PDE1B: variants seen among roughly 807,000 people sequenced by gnomAD.
The protein encoded by PDE1B is phosphodiesterase 1B.
PDE1B carries 13 observed loss-of-function variants against 66.7 expected under a neutral mutation model. The observed-to-expected ratio is 0.19, with a 90% confidence interval of 0.13 to 0.31. The LOEUF is 0.31. PDE1B is among the 10% of genes least tolerant of loss of function. The pLI, the probability that PDE1B is intolerant of heterozygous loss-of-function variation, is 1.00. For missense variants in PDE1B, 485 were observed against 682.3 expected (o/e 0.71, Z 3.22); for synonymous variants, 230 against 253.9 (o/e 0.91, Z 0.90).
In PDE1B at chr12:54,575,699, T is replaced by G; in HGVS notation, c.1267+67T>G. The G allele has an allele frequency of 1.8e-6, 2 of 1,139,676 alleles. No homozygotes were observed. The highest frequency in any genetic ancestry group is 2.4e-5 in the South Asian group (2 of 81,952). The allele number at this position is 1,139,676 out of a possible 1,614,324, so 70.6% of individuals were successfully genotyped here. ...GAAAAGATGCTGCCTGGGTCAGGAT[T>G]GCTCCAAGTCCTCAATCCCCCCAAA... On this transcript the variant is annotated intron_variant, in intron 12 of 15. Coordinates refer to ENST00000243052, the MANE Select transcript of PDE1B (RefSeq NM_000924.4). This position sits in a 1 kb window ranked among gnomAD's most constrained non-coding sequence, Gnocchi z 4.0.
Position 54,549,976 on chromosome 12 carries a change from T to C in PDE1B, c.104T>C (p.Leu35Pro). 1.9e-6 allele frequency: 3 copies of C among 1,613,850 alleles called. No homozygotes were observed. In the South Asian group the frequency reaches 3.3e-5, roughly 18 times the overall value. The change falls in exon 2 of 16, where the codon CTT (leucine) becomes CCT (proline). Residue 35 changes from leucine (L) to proline (P), a missense_variant. This residue lies in a region of PDE1B where 74 missense variants were observed against 78.7 expected (regional missense o/e 0.94). Coordinates refer to ENST00000243052, the MANE Select transcript of PDE1B (RefSeq NM_000924.4). The part of the protein sequence containing the change: ...SAPSKKMWIK[L>P]RSLLRYMVKQ... ...CCCAGCAAGAAGATGTGGATTAAGC[T>C]TCGGTCTCTGTAAGTCCCCGGCCCG...
At chr12:54,558,297 C>T (rs969208157) in intron 2 of PDE1B, among the ~76,000 whole-genome samples, 3 of 152,046 alleles carry the variant, frequency 2.0e-5, no homozygotes, top group African/African-American at 4.8e-5. Flanking sequence ...GTCCTTCCCC[C>T]ACTATCTTCC....
intron 2 of PDE1B, among the ~76,000 whole-genome samples, chr12:54,555,929 G>A (rs886070609): frequency 6.6e-6 from 1 of 151,998 alleles, no homozygotes; most frequent in Non-Finnish European, 1.5e-5. Context: ...GAAAATCCCC[G>A]TGGCTCCCTC....
chr12:54,554,652 G>C (rs1489946366), intron 2 of PDE1B, among the ~76,000 whole-genome samples: 1 of 152,162 alleles, frequency 6.6e-6, no homozygotes, highest in Non-Finnish European at 1.5e-5. Flanking sequence ...CAAACCTCTG[G>C]TCAGGATAGG....
chr12:54,576,473 C>A, intron 13 of PDE1B, 98 bp from the exon 14 acceptor site: 1 of 1,448,534 alleles, frequency 6.9e-7, no homozygotes, highest in South Asian at 1.2e-5. Flanking sequence ...TTCCCTGAAC[C>A]TTCTCCTGGT....
chr12:54,562,117 T>C (rs1957428050), intron 2 of PDE1B, among the ~76,000 whole-genome samples: 1 of 152,214 alleles, frequency 6.6e-6, no homozygotes, highest in South Asian at 2.1e-4. Flanking sequence ...AGTCCTTCTC[T>C]GGCTTCCCTG....
Position 54,573,851 on chromosome 12 carries a change from CTA to C in PDE1B, c.1064+144_1064+145del. ...TGGCTTCAGGTATCAGACTGCATCT[CTA>C]TGTGAGAGAGAGAGAGAGTGTGTGT... On this transcript the variant is annotated intron_variant, in intron 10 of 15. Coordinates refer to ENST00000243052, the MANE Select transcript of PDE1B (RefSeq NM_000924.4). The surrounding 1 kb of genome is among the most constrained non-coding windows in gnomAD (Gnocchi z 5.2). 3.4e-6 allele frequency: 2 copies of C among 589,594 alleles called. No homozygotes were observed. Among genetic ancestry groups the C allele is most frequent in the Non-Finnish European group, 6.0e-6 (2 of 333,360 alleles). The allele number at this position is 589,594 out of a possible 1,614,324, so 36.5% of individuals were successfully genotyped here. A position where few individuals can be genotyped will look rare whatever the true frequency, so the allele number is the denominator to read the frequency against.
At chr12:54,553,562 T>C (rs1177576701) in intron 2 of PDE1B, among the ~76,000 whole-genome samples, 2 of 152,204 alleles carry the variant, frequency 1.3e-5, no homozygotes, top group Non-Finnish European at 2.9e-5. Flanking sequence ...TAACAGGCAC[T>C]CAATAAATGC....
chr12:54,557,584 A>T (rs756233220), intron 2 of PDE1B, among the ~76,000 whole-genome samples: 13 of 152,234 alleles, frequency 8.5e-5, no homozygotes, highest in Non-Finnish European at 1.9e-4. Context: ...AAATCGGGGC[A>T]GTGCTGGGAC....
rs1957245561 is a variant in PDE1B, at chr12:54,549,701, G to A, written c.-85G>A. On this transcript the variant is annotated 5_prime_UTR_variant, in exon 1 of 16. Transcript: ENST00000243052. ...GCTGGGCAGCGGGAGAGGAGGAGCC[G>A]CAGGAGCTGCAGCTCTGCCAGCTTG... The A allele has an allele frequency of 4.0e-6, 2 of 496,858 alleles. No individual in the cohort carries two copies. Among genetic ancestry groups the A allele is most frequent in the Admixed American group, 3.6e-5 (1 of 27,590 alleles). The allele number at this position is 496,858 out of a possible 1,614,324, so 30.8% of individuals were successfully genotyped here.
chr12:54,562,084 C>G (rs970827694), intron 2 of PDE1B, among the ~76,000 whole-genome samples: 5 of 152,174 alleles, frequency 3.3e-5, no homozygotes, highest in African/African-American at 4.8e-5. Context: ...TCAAAATCTT[C>G]ACATCACTGT....
At chr12:54,567,725 C>T (rs1189259982) in intron 3 of PDE1B, among the ~76,000 whole-genome samples, 6 of 152,090 alleles carry the variant, frequency 3.9e-5, no homozygotes, top group East Asian at 1.9e-4. Flanking sequence ...TGCTGCCCAA[C>T]ATGGGAGCCA....
Position 54,573,956 on chromosome 12 carries a change from T to G in PDE1B, c.1064+247T>G. On this transcript the variant is annotated intron_variant, in intron 10 of 15. Coordinates refer to ENST00000243052, the MANE Select transcript of PDE1B (RefSeq NM_000924.4). The surrounding 1 kb of genome is among the most constrained non-coding windows in gnomAD (Gnocchi z 5.2). Reference sequence around the variant, plus strand: ...CCTTGGCAGCTGATCCACTGGAGAGTGCTTTGGGCTGGGAATCTAAGATGG... The same window carrying G: ...CCTTGGCAGCTGATCCACTGGAGAGGGCTTTGGGCTGGGAATCTAAGATGG... The G allele has an allele frequency of 1.9e-6, 1 of 513,266 alleles. No individual in the cohort carries two copies. Among genetic ancestry groups the G allele is most frequent in the East Asian group, 3.4e-5 (1 of 29,848 alleles). The allele number at this position is 513,266 out of a possible 1,614,324, so 31.8% of individuals were successfully genotyped here.
chr12:54,576,567 C>G lies in PDE1B; in HGVS notation c.1377-4C>G, dbSNP rs1957753906. The G allele has an allele frequency of 1.2e-6, 2 of 1,614,026 alleles. No individual in the cohort carries two copies. Among genetic ancestry groups the G allele is most frequent in the African/African-American group, 2.7e-5 (2 of 75,010 alleles). ...CTTGCGGCTTTTGGGGGTTCTGCTT[C>G]TAGCTTTCAGTGGCGCCAGCCCTCT... is the stretch of plus-strand genomic sequence containing the variant. On this transcript the variant is annotated splice_polypyrimidine_tract_variant and splice_region_variant and intron_variant, in intron 13 of 15. Transcript: ENST00000243052.
At chr12:54,577,417 G>A in intron 15 of PDE1B, 72 bp downstream of exon 15, 1 of 1,608,256 alleles carries the variant, frequency 6.2e-7, no homozygotes, top group Non-Finnish European at 8.5e-7. Context: ...TCGTCTCTGG[G>A]CTCCAGTGGA....
chr12:54,571,719 C>T (rs909091027), intron 6 of PDE1B: 3 of 152,214 alleles, frequency 2.0e-5, no homozygotes, highest in African/African-American at 4.8e-5. Context: ...CCTCCAGGGA[C>T]GCCATGGCAA....
In PDE1B at chr12:54,549,953, C is replaced by G; in HGVS notation, c.81C>G (p.Pro27=). Residue 27 remains proline (P), a synonymous_variant, in exon 2 of 16, where the codon CCC becomes CCG. Transcript: ENST00000243052. ...CPSPLELKSA[P]SKKMWIKLRS... is the part of the protein sequence containing the mutation. Reference sequence around the variant, plus strand: ...CACCCCTGGAGCTGAAGTCAGCCCCCAGCAAGAAGATGTGGATTAAGCTTC... The same window carrying G: ...CACCCCTGGAGCTGAAGTCAGCCCCGAGCAAGAAGATGTGGATTAAGCTTC... 1 of 1,614,124 alleles carries G rather than the reference C, an allele frequency of 6.2e-7. No individual in the cohort carries two copies. The highest frequency in any genetic ancestry group is 8.5e-7 in the Non-Finnish European group (1 of 1,179,990).
rs1592174028 is a variant in PDE1B at position 54,575,467 on chromosome 12, A to C, written c.1186-84A>C. 4.4e-6 allele frequency: 4 copies of C among 919,016 alleles called. No individual in the cohort carries two copies. Among genetic ancestry groups the C allele is most frequent in the Admixed American group, 1.8e-5 (1 of 57,002 alleles). 56.9% of individuals were successfully genotyped at this position (919,016 alleles called of 1,614,324 possible). On this transcript the variant is annotated intron_variant, in intron 11 of 15. Transcript: ENST00000243052. The surrounding 1 kb of genome is among the most constrained non-coding windows in gnomAD (Gnocchi z 4.0). ...CAGAAATTTCACACAACAACCCCCC[A>C]CCCCCACCACTTGCCACCTGTACCC... is the stretch of plus-strand genomic sequence containing the variant.
intron 2 of PDE1B, among the ~76,000 whole-genome samples, chr12:54,551,382 G>T (rs1957275965): frequency 6.6e-6 from 1 of 152,170 alleles, no homozygotes; most frequent in Non-Finnish European, 1.5e-5. Context: ...AATTTGCTGG[G>T]CTCTATGAAG....
Sources: gnomAD v4.1 joint callset for allele counts (sites outside exome capture counted in the v4.1 genomes callset) on GRCh38, gnomAD v4.1.1 for gene constraint, gnomAD v4.1.1 regional missense constraint, Gnocchi (gnomAD v3.1) non-coding constraint, MANE v1.5 for transcripts, NCBI Gene and HGNC (gene_info 2026-07-23, HGNC 2026-07-21) for gene names.